The following LDHA variants were observed in gnomAD, a reference collection of about 807,000 sequenced individuals.
LDHA encodes the protein L-lactate dehydrogenase A chain.
A neutral mutation model predicts 36.3 loss-of-function variants in LDHA; 10 were observed. The ratio of observed to expected loss-of-function variants is 0.28; its 90% confidence interval spans 0.17 to 0.47. LDHA has a LOEUF of 0.47. Among genes scored for constraint, LDHA ranks in the 20% least tolerant of loss-of-function variants. The pLI is 0.99. For missense variants in LDHA, 267 were observed against 405.8 expected, an observed-to-expected ratio of 0.66 and a Z score of 2.94; for synonymous variants, 110 against 136.7, an observed-to-expected ratio of 0.80 and a Z score of 1.36.
Position 18,403,820 on chromosome 11 carries a change from T to A in LDHA, c.710+9T>A, listed in dbSNP as rs182873744. On this transcript the variant is annotated intron_variant, in intron 6 of 7. Transcript: ENST00000422447. Reference sequence around the variant, plus strand: ...AAGCAGGTGGTTGAGAGGTAATAAATCTTTCAATTTGGCAACACAGAATAT... The same window carrying A: ...AAGCAGGTGGTTGAGAGGTAATAAAACTTTCAATTTGGCAACACAGAATAT... 176 of 1,405,150 alleles carry A rather than the reference T, an allele frequency of 1.3e-4. No homozygotes were observed. The East Asian group carries it at 3.5e-3, about 28-fold the overall frequency. 87.0% of individuals were successfully genotyped at this position (1,405,150 alleles called of 1,614,324 possible).
chr11:18,407,370 T>C lies in LDHA; in HGVS notation c.*89T>C, dbSNP rs200441639. 25 of 1,606,940 alleles carry C rather than the reference T, an allele frequency of 1.6e-5. No homozygotes were observed. Among genetic ancestry groups the C allele is most frequent in the Non-Finnish European group, 2.1e-5 (25 of 1,176,970 alleles). The stretch of plus-strand genomic sequence containing the variant: ...CATGTTGTCCTTTTTATCTGATCTG[T>C]GATTAAAGCAGTAATATTTTAAGAT... On this transcript the variant is annotated 3_prime_UTR_variant, in exon 8 of 8. Coordinates refer to ENST00000422447, the MANE Select transcript of LDHA (RefSeq NM_005566.4).
At chr11:18,400,633 TCC>T in intron 3 of LDHA, 1 of 655,296 alleles carries the variant, frequency 1.5e-6, no homozygotes. Flanking sequence ...CCTCCAGCTC[TCC>T]CTAATTGTAG....
At chr11:18,400,674 T>C (rs912570939) in intron 3 of LDHA, 163 bp from the exon 4 acceptor site, 4 of 690,846 alleles carry the variant, frequency 5.8e-6, no homozygotes, top group Admixed American at 2.1e-5. Flanking sequence ...TGACTAAAAC[T>C]ACAAGGAAGA....
intron 7 of LDHA, among the ~76,000 whole-genome samples, 157 bp from the exon 8 acceptor site, chr11:18,406,960 C>G (rs555158602): frequency 2.0e-5 from 3 of 150,920 alleles, no homozygotes; most frequent in African/African-American, 7.3e-5. Flanking sequence ...GAGCTGAGAT[C>G]GTGCCACTGC....
chr11:18,399,460 T>G lies in LDHA; in HGVS notation c.156T>G (p.Asp52Glu). Residue 52 changes from aspartate (D) to glutamate (E), a missense_variant, in exon 3 of 8, where the codon GAT (aspartate) becomes GAG (glutamate). Asp to Glu is a conservative substitution (Grantham distance 45). Coordinates refer to ENST00000422447, the MANE Select transcript of LDHA (RefSeq NM_005566.4). ...KDLADELALV[D>E]VIEDKLKGEM... is the part of the protein sequence containing the mutation. ...TGGCAGATGAACTTGCTCTTGTTGATGTCATCGAAGACAAATTGAAGGGAG... is the reference window on the plus strand; with the variant it reads ...TGGCAGATGAACTTGCTCTTGTTGAGGTCATCGAAGACAAATTGAAGGGAG... 1 of 1,613,400 alleles carries G rather than the reference T, an allele frequency of 6.2e-7. No individual in the cohort carries two copies. Among genetic ancestry groups the G allele is most frequent in the Non-Finnish European group, 8.5e-7 (1 of 1,179,490 alleles).
chr11:18,399,934 T>A, intron 3 of LDHA: 1 of 195,698 alleles, frequency 5.1e-6, no homozygotes, highest in South Asian at 9.0e-5. Context: ...ATCCTAGCTC[T>A]TTAAAGATTT....
chr11:18,402,882 C>T lies in LDHA; in HGVS notation c.461C>T (p.Pro154Leu), dbSNP rs772238965. The change falls in exon 5 of 8, where the codon CCC becomes CTC. Residue 154 changes from proline to leucine, a missense_variant. Pro to Leu is a moderately conservative substitution (Grantham distance 98). Coordinates refer to ENST00000422447, the MANE Select transcript of LDHA (RefSeq NM_005566.4). Reference protein sequence around the residue: ...TYVAWKISGFPKNRVIGSGCN... With the variant: ...TYVAWKISGFLKNRVIGSGCN... Reference sequence around the variant, plus strand: ...GTGGCTTGGAAGATAAGTGGTTTTCCCAAAAACCGTGTTATTGGAAGCGGT... The same window carrying T: ...GTGGCTTGGAAGATAAGTGGTTTTCTCAAAAACCGTGTTATTGGAAGCGGT... The T allele has an allele frequency of 6.2e-7, 1 of 1,612,516 alleles. No homozygotes were observed. The highest frequency in any genetic ancestry group is 2.2e-5 in the East Asian group (1 of 44,874).
rs562494262 is a variant in LDHA, at chr11:18,406,113, G to A, written c.834+541G>A. ...CCTAAGTAGCTGGGACTACAGGTGC[G>A]TGCCACCACGCCCGGCTACTTTTTG... On this transcript the variant is annotated intron_variant, in intron 7 of 7. Coordinates refer to ENST00000422447, the MANE Select transcript of LDHA (RefSeq NM_005566.4). 2.6e-3 allele frequency among the ~76,000 whole-genome samples: 402 copies of A among 152,174 alleles called. 5 individuals are homozygous for A. The highest frequency in any genetic ancestry group is 9.0e-3 in the African/African-American group (372 of 41,538).
intron 4 of LDHA, among the ~76,000 whole-genome samples, chr11:18,401,955 C>CTCTCTCTTTTTTTT (rs59534512): frequency 3.6e-4 from 19 of 52,262 alleles, no homozygotes; most frequent in South Asian, 1.9e-3. Flanking sequence ...TTGTTATTCT[C>CTCTCTCTTTTTTTT]TTTTTTTTTT....
At position 18,401,955 on chromosome 11, in the gene LDHA, CTT is replaced by C. The variant is rs1554961218; in HGVS notation, c.419-865_419-864del. Among the ~76,000 whole-genome samples, 268 of 52,254 alleles carry C rather than the reference CTT, an allele frequency of 5.1e-3. 1 individual carries two copies. The highest frequency in any genetic ancestry group is 0.02 in the Middle Eastern group (1 of 50). The allele number at this position is 52,254 out of a possible 152,430, so 34.3% of individuals were successfully genotyped here. On this transcript the variant is annotated intron_variant, in intron 4 of 7. Coordinates refer to ENST00000422447, the MANE Select transcript of LDHA (RefSeq NM_005566.4). ...TAAGTTTGTGAATAATTGTTATTCT[CTT>C]TTTTTTTTTTTTTTTTTTTGAGACA... is the stretch of plus-strand genomic sequence containing the variant.
At chr11:18,402,806 T>C (rs1565038098) in intron 4 of LDHA, 34 bp from the exon 5 acceptor site, 1 of 1,540,938 alleles carries the variant, frequency 6.5e-7, no homozygotes, top group Non-Finnish European at 9.0e-7. Context: ...AGGGAGAGGA[T>C]AATGGGTGAT....
rs367553288 is a variant in LDHA, at chr11:18,405,563, C to A, written c.825C>A (p.Thr275=). 1.2e-6 allele frequency: 2 copies of A among 1,613,752 alleles called. No homozygotes were observed. Among genetic ancestry groups the A allele is most frequent in the African/African-American group, 2.7e-5 (2 of 74,902 alleles). The change falls in exon 7 of 8, where the codon ACC becomes ACA. Residue 275 remains threonine (T), a synonymous_variant. Coordinates refer to ENST00000422447, the MANE Select transcript of LDHA (RefSeq NM_005566.4). ...KNLRRVHPVS[T]MIKGLYGIKD... is the part of the protein sequence containing the mutation. ...TTAGGCGGGTGCACCCAGTTTCCAC[C>A]ATGATTAAGGTAGGTCTATGTAGTG...
intron 4 of LDHA, among the ~76,000 whole-genome samples, chr11:18,401,482 T>C (rs866615971): frequency 2.0e-5 from 2 of 101,392 alleles, no homozygotes; most frequent in South Asian, 4.2e-4. Flanking sequence ...TCTTTTTTTT[T>C]TTTTTTTTTT....
chr11:18,396,762 C>T (rs1866318941), intron 1 of LDHA, 57 bp from the exon 2 acceptor site: 1 of 1,483,684 alleles, frequency 6.7e-7, no homozygotes, highest in African/African-American at 1.4e-5. Context: ...AAAAAAATCT[C>T]TTGGTTAATA....
At chr11:18,404,663 C>T (rs1866613533) in intron 6 of LDHA, among the ~76,000 whole-genome samples, 1 of 151,878 alleles carries the variant, frequency 6.6e-6, no homozygotes, top group South Asian at 2.1e-4. Context: ...AAAAAATTAG[C>T]CGGGCGTGGT....
At chr11:18,396,643 T>C in intron 1 of LDHA, 176 bp from the exon 2 acceptor site, 1 of 1,407,946 alleles carries the variant, frequency 7.1e-7, no homozygotes, top group South Asian at 1.6e-5. Context: ...GACCCTGTCA[T>C]TAGGCCTTTC....
At position 18,396,871 on chromosome 11, in the gene LDHA, A is replaced by G. The variant is rs746791147; in HGVS notation, c.29A>G (p.Tyr10Cys). 11 of 1,613,426 alleles carry G rather than the reference A, an allele frequency of 6.8e-6. No homozygotes were observed. In the African/African-American group the frequency reaches 1.3e-4, roughly 20 times the overall value. ...GCAACTCTAAAGGATCAGCTGATTT[A>G]TAATCTTCTAAAGGAAGAACAGACC... MATLKDQLI[Y>C]NLLKEEQTPQ... is the part of the protein sequence containing the mutation. The change falls in exon 2 of 8, where the codon TAT becomes TGT. Residue 10 changes from tyrosine to cysteine, a missense_variant. Coordinates refer to ENST00000422447, the MANE Select transcript of LDHA (RefSeq NM_005566.4).
At chr11:18,406,381 A>T (rs1866681598) in intron 7 of LDHA, among the ~76,000 whole-genome samples, 1 of 141,952 alleles carries the variant, frequency 7.0e-6, no homozygotes, top group African/African-American at 2.6e-5. Flanking sequence ...GTTTGAGACC[A>T]CCCTAGGCAG....
At chr11:18,402,102 C>T (rs1320493177) in intron 4 of LDHA, among the ~76,000 whole-genome samples, 3 of 151,482 alleles carry the variant, frequency 2.0e-5, no homozygotes, top group African/African-American at 2.4e-5. Context: ...ATTACAGGCA[C>T]GTGCCACCAT....
Sources: allele counts gnomAD v4.1 joint callset (sites outside exome capture counted in the v4.1 genomes callset), GRCh38; gene constraint gnomAD v4.1.1; transcripts MANE v1.5; gene names NCBI Gene and HGNC (gene_info 2026-07-23, HGNC 2026-07-21).